Variants in C1QTNF1 observed in about 807,000 individuals in gnomAD.
C1QTNF1 encodes the protein C1q and TNF related 1, also known as complement C1q tumor necrosis factor-related protein 1.
A neutral mutation model predicts 27.8 loss-of-function variants in C1QTNF1; 22 were observed. The observed-to-expected ratio is 0.79, with a 90% CI of 0.56 to 1.13. The LOEUF is 1.13. Ranked by LOEUF, C1QTNF1 falls within the 50% of genes most tolerant of loss-of-function variation. The pLI is 0.00. For missense variants in C1QTNF1, 373 were observed against 380.2 expected (o/e 0.98, Z 0.16); for synonymous variants, 166 against 154.3 (o/e 1.08, Z -0.56).
At chr17:79,027,466 C>A (rs1200297438) in intron 1 of C1QTNF1, 1 of 152,334 alleles carries the variant, frequency 6.6e-6, no homozygotes, top group Non-Finnish European at 1.5e-5. Context: ...GGCAGCCCAG[C>A]AAGCCGCTCT....
At position 79,030,459 on chromosome 17, in the gene C1QTNF1, T is replaced by TTTTC. The variant is rs1218710269; in HGVS notation, c.-15+5989_-15+5992dup. On this transcript the variant is annotated intron_variant, in intron 1 of 3. Transcript: ENST00000579760. ...TTTCTCTCTCTTTCTTCTTTCTTTC[T>TTTTC]TTTCTTTCTTTCTTTCTTTCTTTCT... Among the ~76,000 whole-genome samples, 437 of 135,354 alleles carry TTTTC rather than the reference T, an allele frequency of 3.2e-3. 3 individuals are homozygous for TTTTC. The highest frequency in any genetic ancestry group is 4.3e-3 in the Non-Finnish European group (261 of 60,930). 88.8% of individuals were successfully genotyped at this position (135,354 alleles called of 152,430 possible).
chr17:79,029,377 C>G (rs1051834298), intron 1 of C1QTNF1, among the ~76,000 whole-genome samples: 2 of 152,170 alleles, frequency 1.3e-5, no homozygotes, highest in African/African-American at 4.8e-5. Context: ...CACTGTGGAA[C>G]CTGGGGCAAG....
At chr17:79,042,829 G>A (rs1339836044) in intron 1 of C1QTNF1, among the ~76,000 whole-genome samples, 4 of 152,232 alleles carry the variant, frequency 2.6e-5, no homozygotes, top group Admixed American at 1.3e-4. Context: ...GAGTGTGTGC[G>A]CACATGTGAA....
chr17:79,028,057 G>T (rs1286097261), intron 1 of C1QTNF1, among the ~76,000 whole-genome samples: 3 of 152,236 alleles, frequency 2.0e-5, no homozygotes, highest in Non-Finnish European at 4.4e-5. Context: ...CTGTGGCCGG[G>T]CCGGTGTCTG....
chr17:79,031,967 C>T (rs959453849), intron 1 of C1QTNF1, among the ~76,000 whole-genome samples: 1 of 152,212 alleles, frequency 6.6e-6, no homozygotes, highest in Non-Finnish European at 1.5e-5. Flanking sequence ...GAGATTTGGA[C>T]AGGCTTGTGG....
intron 3 of C1QTNF1, chr17:79,047,305 A>G (rs1372098077): frequency 2.5e-6 from 1 of 404,220 alleles, no homozygotes; most frequent in Non-Finnish European, 4.4e-6. Context: ...GCGAAAATAG[A>G]ACCATCCTTG....
upstream of C1QTNF1, chr17:79,023,140 G>T (rs184116558): frequency 6.6e-6 from 1 of 152,030 alleles, no homozygotes; most frequent in African/African-American, 2.4e-5. Context: ...CCCCATTTTC[G>T]CATCTCCTGT....
chr17:79,043,674 C>T (rs1283426610), intron 1 of C1QTNF1: 3 of 555,684 alleles, frequency 5.4e-6, no homozygotes, highest in Non-Finnish European at 1.0e-5. Context: ...GTGTGGATTG[C>T]ATGTGTGTTG....
In C1QTNF1 at chr17:79,047,812, C is replaced by T. The variant is rs35435268; in HGVS notation, c.570C>T (p.Pro190=). 0.021 allele frequency: 33,309 copies of T among 1,614,172 alleles called. 417 individuals carry two copies. Among genetic ancestry groups the T allele is most frequent in the Middle Eastern group, 0.027 (162 of 6,062 alleles). ...CCGGCAAGTTCTACTGCTACGTGCC[C>T]GGCCTCTACTTCTTCAGCCTCAACG... ...MFTGKFYCYV[P]GLYFFSLNVH... is the part of the protein sequence containing the mutation. Residue 190 remains proline (P), a synonymous_variant, in exon 4 of 4, where the codon CCC becomes CCT. Transcript: ENST00000579760.
At chr17:79,047,376 C>T (rs1256766506) in intron 3 of C1QTNF1, among the ~76,000 whole-genome samples, 162 bp from the exon 4 acceptor site, 2 of 151,922 alleles carry the variant, frequency 1.3e-5, no homozygotes, top group African/African-American at 2.4e-5. Context: ...CAGGCTGGGA[C>T]GCCGCCCGTG....
intron 1 of C1QTNF1, among the ~76,000 whole-genome samples, chr17:79,039,535 C>A (rs959381857): frequency 6.6e-6 from 1 of 152,172 alleles, no homozygotes; most frequent in Non-Finnish European, 1.5e-5. Flanking sequence ...CGCATATAAT[C>A]TCAGTTACTA....
intron 2 of C1QTNF1, among the ~76,000 whole-genome samples, chr17:79,045,182 G>A (rs1032892974): frequency 6.6e-6 from 1 of 152,172 alleles, no homozygotes; most frequent in South Asian, 2.1e-4. Context: ...GGCCTCCCAG[G>A]TGCAGAAGGA....
intron 1 of C1QTNF1, among the ~76,000 whole-genome samples, 179 bp downstream of exon 1, chr17:79,024,673 G>A (rs1014760967): frequency 1.3e-5 from 2 of 152,260 alleles, no homozygotes; most frequent in Non-Finnish European, 2.9e-5. Context: ...GGGCAGCCCT[G>A]GCGTCTGGCT....
chr17:79,030,314 T>TG (rs2072088684), intron 1 of C1QTNF1, among the ~76,000 whole-genome samples: 1 of 145,872 alleles, frequency 6.9e-6, no homozygotes, highest in African/African-American at 2.8e-5. Flanking sequence ...TGGGTCTTTG[T>TG]GGTTTTGTGT....
intron 1 of C1QTNF1, among the ~76,000 whole-genome samples, chr17:79,030,329 G>GTGTGTGTA (rs1442618446): frequency 2.0e-5 from 3 of 151,798 alleles, no homozygotes; most frequent in Non-Finnish European, 4.4e-5. Flanking sequence ...TTGTGTGTGT[G>GTGTGTGTA]TGTGTGTGTG....
intron 1 of C1QTNF1, among the ~76,000 whole-genome samples, chr17:79,033,291 G>A (rs573452710): frequency 6.6e-6 from 1 of 152,224 alleles, no homozygotes; most frequent in African/African-American, 2.4e-5. Flanking sequence ...AACTGACATA[G>A]CTCCATGTGG....
intron 1 of C1QTNF1, among the ~76,000 whole-genome samples, chr17:79,029,981 G>A (rs56664861): frequency 0.01 from 1,554 of 152,260 alleles, 24 homozygotes; most frequent in African/African-American, 0.035. Flanking sequence ...GCAAAAGAGC[G>A]TGAGACTTCA....
intron 1 of C1QTNF1, chr17:79,043,690 G>A: frequency 1.7e-6 from 1 of 585,550 alleles, no homozygotes; most frequent in Non-Finnish European, 3.2e-6. Context: ...TGTTGAGTGT[G>A]TGCATGTGTG....
At chr17:79,025,885 C>CCAT (rs527321770) in intron 1 of C1QTNF1, 10 of 430,590 alleles carry the variant, frequency 2.3e-5, no homozygotes, top group Admixed American at 4.8e-5. Flanking sequence ...ATCATCATCA[C>CCAT]CATCATCATC....
Sources: gnomAD v4.1 joint callset for allele counts (sites outside exome capture counted in the v4.1 genomes callset) on GRCh38, gnomAD v4.1.1 for gene constraint, MANE v1.5 for transcripts, NCBI Gene and HGNC (gene_info 2026-07-23, HGNC 2026-07-21) for gene names.